The following DACH2 variants were observed in gnomAD, a reference collection of about 807,000 sequenced individuals.
The protein encoded by DACH2 is dachshund family transcription factor 2.
Under a neutral mutation model 35.8 loss-of-function variants are expected in DACH2, and 17 were observed. The ratio of observed to expected loss-of-function variants is 0.48; its 90% CI spans 0.33 to 0.71. The LOEUF (loss-of-function observed/expected upper bound fraction) is 0.71, where lower values mean the gene tolerates loss of function less well. Among genes scored for constraint, DACH2 ranks in the 30% least tolerant of loss-of-function variants. DACH2 has a pLI of 0.02. For missense variants in DACH2, 469 were observed against 472.7 expected (o/e 0.99, Z 0.07); for synonymous variants, 195 against 177.3 (o/e 1.10, Z -0.79).
chrX:86,692,389 A>G (rs1354086500), intron 4 of DACH2, among the ~76,000 whole-genome samples: 1 of 110,166 alleles, frequency 9.1e-6, no homozygotes, highest in African/African-American at 3.3e-5. Context: ...CTTTTCTGTC[A>G]TTAACATAGT....
rs183705375 is a variant in DACH2 at position 86,574,670 on chromosome X, G to A, written c.640+60279G>A. ...ATTTTAAATATTAAAATAAAGGAAT[G>A]TATTGTTACATGTGAAATTTTTGCA... On this transcript the variant is annotated intron_variant, in intron 3 of 11. Transcript: ENST00000373125. Among the ~76,000 whole-genome samples the A allele has an allele frequency of 2.6e-4, 29 of 111,769 alleles. No individual in the cohort carries two copies. The East Asian group carries it at 2.8e-3, about 11-fold the overall frequency.
intron 2 of DACH2, among the ~76,000 whole-genome samples, chrX:86,442,260 T>A (rs2037176159): frequency 9.4e-6 from 1 of 106,003 alleles, no homozygotes; most frequent in African/African-American, 3.5e-5. Flanking sequence ...TGGTGAATGA[T>A]GCAGAACATT....
At chrX:86,176,420 C>T (rs929589273) in intron 1 of DACH2, among the ~76,000 whole-genome samples, 1 of 110,324 alleles carries the variant, frequency 9.1e-6, no homozygotes, top group Non-Finnish European at 1.9e-5. Flanking sequence ...AGGACAAGAC[C>T]CTTGGAGGAG....
At chrX:86,530,275 A>C (rs1257332541) in intron 3 of DACH2, among the ~76,000 whole-genome samples, 1 of 111,886 alleles carries the variant, frequency 8.9e-6, no homozygotes, top group African/African-American at 3.2e-5. Flanking sequence ...AGGGAAATAT[A>C]GATTTTCTGG....
intron 2 of DACH2, among the ~76,000 whole-genome samples, chrX:86,431,192 C>T (rs2036979907): frequency 9.0e-6 from 1 of 111,520 alleles, no homozygotes; most frequent in Admixed American, 9.6e-5. Flanking sequence ...GCATCTCTCT[C>T]TTGATGGTTT....
At chrX:86,607,251 G>A (rs1208832668) in intron 3 of DACH2, among the ~76,000 whole-genome samples, 2 of 111,468 alleles carry the variant, frequency 1.8e-5, no homozygotes, top group Non-Finnish European at 3.8e-5. Flanking sequence ...GCGTTTTGAT[G>A]TCTTTTCATG....
chrX:86,270,039 ATT>A lies in DACH2; in HGVS notation c.489-106774_489-106773del, dbSNP rs764916607. Among the ~76,000 whole-genome samples the A allele has an allele frequency of 5.7e-3, 536 of 94,028 alleles. 3 individuals are homozygous for A. Among genetic ancestry groups the A allele is most frequent in the African/African-American group, 0.02 (515 of 25,712 alleles). 81.7% of individuals were successfully genotyped at this position (94,028 alleles called of 115,157 possible). On this transcript the variant is annotated intron_variant, in intron 1 of 11. Coordinates refer to ENST00000373125, the MANE Select transcript of DACH2 (RefSeq NM_053281.3). ...ATATATATATTATATATATATATATATTTTTTTTTTTTCCTAAAGAGTTTACC... is the reference window on the plus strand; with the variant it reads ...ATATATATATTATATATATATATATATTTTTTTTTTCCTAAAGAGTTTACC...
chrX:86,552,107 G>A (rs1232548141), intron 3 of DACH2, among the ~76,000 whole-genome samples: 1 of 111,591 alleles, frequency 9.0e-6, no homozygotes, highest in East Asian at 2.8e-4. Flanking sequence ...TGATCTATGA[G>A]TGTCTTGGGG....
intron 7 of DACH2, among the ~76,000 whole-genome samples, chrX:86,748,160 G>A (rs1372467967): frequency 2.7e-5 from 3 of 112,072 alleles, no homozygotes; most frequent in Non-Finnish European, 5.6e-5. Context: ...CTCCACTGAA[G>A]TCTTGAGTCC....
At chrX:86,360,358 A>G (rs1269343188) in intron 1 of DACH2, among the ~76,000 whole-genome samples, 4 of 111,338 alleles carry the variant, frequency 3.6e-5, no homozygotes, top group African/African-American at 1.3e-4. Context: ...TTTCTATAAA[A>G]CACTGTGGGA....
chrX:86,589,378 TA>T (rs938573303), intron 3 of DACH2, among the ~76,000 whole-genome samples: 1 of 111,412 alleles, frequency 9.0e-6, no homozygotes, highest in Admixed American at 9.6e-5. Context: ...CTCTATTTTT[TA>T]AAAAAATCAT....
chrX:86,157,014 TC>T lies in DACH2; in HGVS notation c.488+7908del, dbSNP rs1005457150. 3.6e-5 allele frequency among the ~76,000 whole-genome samples: 4 copies of T among 110,960 alleles called. No individual in the cohort carries two copies. In the Admixed American group the frequency reaches 3.9e-4, roughly 11 times the overall value. On this transcript the variant is annotated intron_variant, in intron 1 of 11. Coordinates refer to ENST00000373125, the MANE Select transcript of DACH2 (RefSeq NM_053281.3). Reference sequence around the variant, plus strand: ...GTAATTAATTTTGAAGAGTAAAATTTCCTTTAATCTAGGAACCCTGAAGTTG... The same window carrying T: ...GTAATTAATTTTGAAGAGTAAAATTTCTTTAATCTAGGAACCCTGAAGTTG...
intron 2 of DACH2, among the ~76,000 whole-genome samples, chrX:86,450,516 A>T (rs771363497): frequency 9.0e-6 from 1 of 111,451 alleles, no homozygotes; most frequent in Non-Finnish European, 1.9e-5. Flanking sequence ...TATTGTGAAT[A>T]GTGCTGCAAT....
chrX:86,740,682 T>C (rs946902490), intron 7 of DACH2, among the ~76,000 whole-genome samples: 5 of 109,661 alleles, frequency 4.6e-5, no homozygotes, highest in African/African-American at 6.6e-5. Flanking sequence ...TAGCTATAGG[T>C]CTGGCACTAA....
chrX:86,280,348 G>A (rs753783794), intron 1 of DACH2, among the ~76,000 whole-genome samples: 121 of 111,670 alleles, frequency 1.1e-3, no homozygotes, highest in Middle Eastern at 9.2e-3. Flanking sequence ...ATATCTACCC[G>A]AACTAAGCTT....
Position 86,217,095 on chromosome X carries a change from TAA to T in DACH2, c.488+68001_488+68002del, listed in dbSNP as rs11323790. ...ACAGAGCGAGACTCCATCTCAAAAA[TAA>T]AAAAAAAAAAAAAGGAAGAAAAGAA... is the stretch of plus-strand genomic sequence containing the variant. On this transcript the variant is annotated intron_variant, in intron 1 of 11. Coordinates refer to ENST00000373125, the MANE Select transcript of DACH2 (RefSeq NM_053281.3). Among the ~76,000 whole-genome samples the T allele has an allele frequency of 7.6e-3, 672 of 88,447 alleles. 2 individuals carry two copies. Among genetic ancestry groups the T allele is most frequent in the African/African-American group, 0.019 (464 of 24,269 alleles). The allele number at this position is 88,447 out of a possible 115,157, so 76.8% of individuals were successfully genotyped here.
chrX:86,775,706 T>A (rs2042025579), intron 7 of DACH2, among the ~76,000 whole-genome samples: 1 of 111,882 alleles, frequency 8.9e-6, no homozygotes, highest in Non-Finnish European at 1.9e-5. Context: ...AATATAAAAC[T>A]TCTTAAGTAC....
chrX:86,284,716 A>C (rs2147988871), intron 1 of DACH2, among the ~76,000 whole-genome samples: 1 of 111,207 alleles, frequency 9.0e-6, no homozygotes, highest in South Asian at 3.8e-4. Flanking sequence ...ATTCAACAGG[A>C]AGTTGTTGGG....
At chrX:86,548,894 G>A (rs373982582) in intron 3 of DACH2, among the ~76,000 whole-genome samples, 5 of 111,943 alleles carry the variant, frequency 4.5e-5, no homozygotes, top group African/African-American at 1.6e-4. Context: ...TCAAAAACCT[G>A]AACTTGAGAC....
Sources: allele counts gnomAD v4.1 joint callset (sites outside exome capture counted in the v4.1 genomes callset), GRCh38; gene constraint gnomAD v4.1.1; transcripts MANE v1.5; gene names NCBI Gene and HGNC (gene_info 2026-07-23, HGNC 2026-07-21).